Variants in BMP4 observed in about 807,000 individuals in gnomAD.
The protein encoded by BMP4 is bone morphogenetic protein 2B.
A neutral mutation model predicts 29.6 loss-of-function variants in BMP4; 3 were observed. The observed-to-expected ratio is 0.10, with a 90% CI of 0.05 to 0.26. BMP4 has a LOEUF of 0.26. Among genes scored for constraint, BMP4 ranks in the 10% least tolerant of loss-of-function variants. The probability of loss-of-function intolerance (pLI) is 1.00; values close to 1 mark genes in which losing one functional copy is unlikely to be tolerated. For missense variants in BMP4, 455 were observed against 550.2 expected (o/e 0.83, Z 1.73); for synonymous variants, 197 against 213.2 (o/e 0.92, Z 0.66).
chr14:53,949,882 C>CT lies in BMP4; in HGVS notation c.*149_*150insA. 17 of 590,284 alleles carry CT rather than the reference C, an allele frequency of 2.9e-5. No individual in the cohort carries two copies. In the South Asian group the frequency reaches 4.1e-4, roughly 14 times the overall value. 36.6% of individuals were successfully genotyped at this position (590,284 alleles called of 1,614,324 possible). ...CAAGGTGAATGTTTAGGGATTTTTTCCTTTTTTTTTTTTTTTTTTAAATAA... is the reference window on the plus strand; with the variant it reads ...CAAGGTGAATGTTTAGGGATTTTTTCTCTTTTTTTTTTTTTTTTTTAAATAA... On this transcript the variant is annotated 3_prime_UTR_variant, in exon 4 of 4. Coordinates refer to ENST00000245451, the MANE Select transcript of BMP4 (RefSeq NM_001202.6).
In BMP4 at chr14:53,955,806, C is replaced by T. The variant is rs114176271; in HGVS notation, c.-133+744G>A. 4,995 of 152,318 alleles carry T rather than the reference C, an allele frequency of 0.033. 96 individuals are homozygous for T. The highest frequency in any genetic ancestry group is 0.071 in the Middle Eastern group (21 of 294). 9.4% of individuals were successfully genotyped at this position (152,318 alleles called of 1,614,324 possible). On this transcript the variant is annotated intron_variant, in intron 1 of 3. Transcript: ENST00000245451. This position sits in a 1 kb window ranked among gnomAD's most constrained non-coding sequence, Gnocchi z 4.0. Reference sequence around the variant, plus strand: ...AGCCGCGCGTCCGCCTTTCGTCCCGCCAGGAACTCCCCATAGGACACGACA... The same window carrying T: ...AGCCGCGCGTCCGCCTTTCGTCCCGTCAGGAACTCCCCATAGGACACGACA...
At position 53,953,293 on chromosome 14, in the gene BMP4, TATA is replaced by T. The variant is rs1895545041; in HGVS notation, c.-28_-26del. ...CTACTCACTGACAGAAAACAAGGCA[TATA>T]ATAACAGTCCATGATTCTTGACAGC... On this transcript the variant is annotated 5_prime_UTR_variant, in exon 2 of 4. Coordinates refer to ENST00000245451, the MANE Select transcript of BMP4 (RefSeq NM_001202.6). 2.5e-6 allele frequency: 1 copy of T among 398,934 alleles called. No homozygotes were observed. Among genetic ancestry groups the T allele is most frequent in the Non-Finnish European group, 4.4e-6 (1 of 226,082 alleles). The allele number at this position is 398,934 out of a possible 1,614,324, so 24.7% of individuals were successfully genotyped here.
chr14:53,952,172 C>T lies in BMP4; in HGVS notation c.51G>A (p.Leu17=). 6.2e-7 allele frequency: 1 copy of T among 1,614,102 alleles called. No individual in the cohort carries two copies. The highest frequency in any genetic ancestry group is 8.5e-7 in the Non-Finnish European group (1 of 1,179,994). ...MLMVVLLCQV[L]LGGASHASLI... ...AACTAGCATGGCTCGCGCCTCCTAG[C>T]AGGACTTGGCATAATAAAACGACCA... The change falls in exon 3 of 4, where the codon CTG becomes CTA. Residue 17 remains leucine, a synonymous_variant. Coordinates refer to ENST00000245451, the MANE Select transcript of BMP4 (RefSeq NM_001202.6).
At chr14:53,953,147 G>A in intron 2 of BMP4, 129 bp downstream of exon 2, 1 of 386,804 alleles carries the variant, frequency 2.6e-6, no homozygotes, top group Non-Finnish European at 4.6e-6. Flanking sequence ...CAAGAAGGGA[G>A]CGACAGTGCT....
chr14:53,952,755 G>A (rs1231437419), intron 2 of BMP4, among the ~76,000 whole-genome samples: 3 of 152,194 alleles, frequency 2.0e-5, no homozygotes, highest in Admixed American at 6.5e-5. Flanking sequence ...GACAGAGGGC[G>A]ACAGGGTCCA....
Position 53,950,761 on chromosome 14 carries a change from G to A in BMP4, c.498C>T (p.Asp166=). 1 of 1,613,886 alleles carries A rather than the reference G, an allele frequency of 6.2e-7. No individual in the cohort carries two copies. The highest frequency in any genetic ancestry group is 8.5e-7 in the Non-Finnish European group (1 of 1,180,004). The change falls in exon 4 of 4, where the codon GAC becomes GAT. Residue 166 remains aspartate (D), a synonymous_variant. Transcript: ENST00000245451. This position sits in a 1 kb window ranked among gnomAD's most constrained non-coding sequence, Gnocchi z 5.4. ...AELRLFREQV[D]QGPDWERGFH... is the part of the protein sequence containing the mutation. ...AGCCCCTTTCCCAATCAGGGCCCTGGTCCACCTGCTCCCGGAAGAGCCGAA... is the reference window on the plus strand; with the variant it reads ...AGCCCCTTTCCCAATCAGGGCCCTGATCCACCTGCTCCCGGAAGAGCCGAA...
chr14:53,955,687 G>A lies in BMP4; in HGVS notation c.-133+863C>T, dbSNP rs912437714. The stretch of plus-strand genomic sequence containing the variant: ...CAAAGCAGTGCTTGGAGGCCTCTAA[G>A]GCCCCCGGACCAACTCCCGCTGGAA... On this transcript the variant is annotated intron_variant, in intron 1 of 3. Transcript: ENST00000245451. This position sits in a 1 kb window ranked among gnomAD's most constrained non-coding sequence, Gnocchi z 4.0. 4 of 152,266 alleles carry A rather than the reference G, an allele frequency of 2.6e-5. No individual in the cohort carries two copies. Among genetic ancestry groups the A allele is most frequent in the African/African-American group, 9.6e-5 (4 of 41,552 alleles). The allele number at this position is 152,266 out of a possible 1,614,324, so 9.4% of individuals were successfully genotyped here.
chr14:53,953,051 C>G (rs1250929964), intron 2 of BMP4, among the ~76,000 whole-genome samples: 1 of 152,150 alleles, frequency 6.6e-6, no homozygotes, highest in Admixed American at 6.5e-5. Context: ...CTCGCGCTCC[C>G]CTTTCTTGCA....
intron 3 of BMP4, 124 bp from the exon 4 acceptor site, chr14:53,951,012 C>G (rs774764655): frequency 4.5e-6 from 6 of 1,345,392 alleles, no homozygotes; most frequent in Non-Finnish European, 6.3e-6. Context: ...CAGGGGAAAC[C>G]TACTGGGGGA....
In BMP4 at chr14:53,950,742, T is replaced by C; in HGVS notation, c.517A>G (p.Arg173Gly). ...EQVDQGPDWERGFHRINIYEV... is the reference protein window; with the variant it reads ...EQVDQGPDWEGGFHRINIYEV... ...TAAATGTTTATACGGTGGAAGCCCC[T>C]TTCCCAATCAGGGCCCTGGTCCACC... Residue 173 changes from arginine (R) to glycine (G), a missense_variant, in exon 4 of 4, where the codon AGG (arginine) becomes GGG (glycine). By Grantham distance (125) the Arg-to-Gly change is moderately radical (BLOSUM62 -2). This residue lies in a region of BMP4 where 249 missense variants were observed against 284.6 expected (regional missense o/e 0.87). Transcript: ENST00000245451. The surrounding 1 kb of genome is among the most constrained non-coding windows in gnomAD (Gnocchi z 5.4). The C allele has an allele frequency of 6.2e-7, 1 of 1,614,028 alleles. No individual in the cohort carries two copies. The highest frequency in any genetic ancestry group is 8.5e-7 in the Non-Finnish European group (1 of 1,180,012).
At position 53,954,315 on chromosome 14, in the gene BMP4, A is replaced by G. The variant is rs1346210126; in HGVS notation, c.-132-915T>C. On this transcript the variant is annotated intron_variant, in intron 1 of 3. Transcript: ENST00000245451. The surrounding 1 kb of genome is among the most constrained non-coding windows in gnomAD (Gnocchi z 4.8). ...GACGCCGGGGCTCGAAGCTCCGGGC[A>G]GATTCAGAAAGAGGCGTCGCTGCAG... 1 of 152,128 alleles carries G rather than the reference A, an allele frequency of 6.6e-6. No homozygotes were observed. Among genetic ancestry groups the G allele is most frequent in the Non-Finnish European group, 1.5e-5 (1 of 68,062 alleles). The allele number at this position is 152,128 out of a possible 1,614,324, so 9.4% of individuals were successfully genotyped here.
chr14:53,955,357 A>G lies in BMP4; in HGVS notation c.-133+1193T>C, dbSNP rs1895676396. On this transcript the variant is annotated intron_variant, in intron 1 of 3. Coordinates refer to ENST00000245451, the MANE Select transcript of BMP4 (RefSeq NM_001202.6). The surrounding 1 kb of genome is among the most constrained non-coding windows in gnomAD (Gnocchi z 4.0). ...AGCGCGGTTCTAAAACCGAGAGGATAGGAAGGGGAAGGGGGAGTTGTGTTT... is the reference window on the plus strand; with the variant it reads ...AGCGCGGTTCTAAAACCGAGAGGATGGGAAGGGGAAGGGGGAGTTGTGTTT... The G allele has an allele frequency of 6.6e-6, 1 of 152,238 alleles. No individual in the cohort carries two copies. The highest frequency in any genetic ancestry group is 1.5e-5 in the Non-Finnish European group (1 of 68,056). 9.4% of individuals were successfully genotyped at this position (152,238 alleles called of 1,614,324 possible). A position where few individuals can be genotyped will look rare whatever the true frequency, so the allele number is the denominator to read the frequency against.
Position 53,950,716 on chromosome 14 carries a change from A to G in BMP4, c.543T>C (p.Tyr181=), listed in dbSNP as rs1895353362. ...WERGFHRINI[Y]EVMKPPAEVV... ...CTTCTGCTGGGGGCTTCATAACCTC[A>G]TAAATGTTTATACGGTGGAAGCCCC... Residue 181 remains tyrosine, a synonymous_variant, in exon 4 of 4, where the codon TAT becomes TAC. Transcript: ENST00000245451. The surrounding 1 kb of genome is among the most constrained non-coding windows in gnomAD (Gnocchi z 5.4). 6.2e-7 allele frequency: 1 copy of G among 1,614,192 alleles called. No homozygotes were observed. Among genetic ancestry groups the G allele is most frequent in the Non-Finnish European group, 8.5e-7 (1 of 1,180,032 alleles).
Position 53,950,960 on chromosome 14 carries a change from G to A in BMP4, c.371-72C>T, listed in dbSNP as rs1895375255. On this transcript the variant is annotated intron_variant, in intron 3 of 3. Transcript: ENST00000245451. The surrounding 1 kb of genome is among the most constrained non-coding windows in gnomAD (Gnocchi z 5.4). Reference sequence around the variant, plus strand: ...TTTTTCAAAGATGGAAGAGTCAAGAGATAGCTCAGGGTTGGGCAATGAATG... The same window carrying A: ...TTTTTCAAAGATGGAAGAGTCAAGAAATAGCTCAGGGTTGGGCAATGAATG... The A allele has an allele frequency of 6.3e-7, 1 of 1,583,006 alleles. No individual in the cohort carries two copies. Among genetic ancestry groups the A allele is most frequent in the African/African-American group, 1.3e-5 (1 of 74,752 alleles).
At position 53,955,666 on chromosome 14, in the gene BMP4, G is replaced by A. The variant is rs919751489; in HGVS notation, c.-133+884C>T. On this transcript the variant is annotated intron_variant, in intron 1 of 3. Coordinates refer to ENST00000245451, the MANE Select transcript of BMP4 (RefSeq NM_001202.6). This position sits in a 1 kb window ranked among gnomAD's most constrained non-coding sequence, Gnocchi z 4.0. ...CGATCCTTGGAAACCATCCTCCAAA[G>A]CAGTGCTTGGAGGCCTCTAAGGCCC... 1.3e-5 allele frequency: 2 copies of A among 152,182 alleles called. No individual in the cohort carries two copies. Among genetic ancestry groups the A allele is most frequent in the Non-Finnish European group, 2.9e-5 (2 of 68,074 alleles). The allele number at this position is 152,182 out of a possible 1,614,324, so 9.4% of individuals were successfully genotyped here.
intron 3 of BMP4, chr14:53,951,589 G>A: frequency 2.2e-6 from 1 of 451,406 alleles, no homozygotes; most frequent in Non-Finnish European, 3.9e-6. Context: ...TAGCAGAAAA[G>A]GCTTTGATAT....
intron 2 of BMP4, among the ~76,000 whole-genome samples, chr14:53,952,864 T>C (rs1895519687): frequency 6.6e-6 from 1 of 152,156 alleles, no homozygotes; most frequent in Non-Finnish European, 1.5e-5. Flanking sequence ...TGCCTGATCG[T>C]GCCCGCTCAT....
chr14:53,952,753 G>A (rs1329861925), intron 2 of BMP4, among the ~76,000 whole-genome samples: 1 of 152,168 alleles, frequency 6.6e-6, no homozygotes, highest in Non-Finnish European at 1.5e-5. Context: ...AAGACAGAGG[G>A]CGACAGGGTC....
intron 1 of BMP4, among the ~76,000 whole-genome samples, chr14:53,953,805 G>A (rs1349078846): frequency 6.6e-6 from 1 of 152,064 alleles, no homozygotes; most frequent in Non-Finnish European, 1.5e-5. Context: ...CTCCCAGCTC[G>A]AACCCGGCTT....
Sources: allele counts gnomAD v4.1 joint callset (sites outside exome capture counted in the v4.1 genomes callset), GRCh38; gene constraint gnomAD v4.1.1; regional missense constraint gnomAD v4.1.1; non-coding constraint Gnocchi (gnomAD v3.1); transcripts MANE v1.5; gene names NCBI Gene and HGNC (gene_info 2026-07-23, HGNC 2026-07-21).